PCDH15: variants seen among roughly 807,000 people sequenced by gnomAD.
PCDH15 encodes the protein protocadherin related 15, also known as protocadherin-15.
Under a neutral mutation model 178.5 loss-of-function variants are expected in PCDH15, and 129 were observed. The ratio of observed to expected loss-of-function variants is 0.72; its 90% CI spans 0.63 to 0.84. The LOEUF (loss-of-function observed/expected upper bound fraction) is 0.84. Ranked by LOEUF, PCDH15 falls within the 40% of genes least tolerant of loss-of-function variation. The pLI is 0.00. For synonymous variants in PCDH15, 800 were observed against 732.0 expected (o/e 1.09, Z -1.50); for missense variants, 2,230 against 2,099.9 (o/e 1.06, Z -1.21).
rs112271908 is a variant in PCDH15 at position 53,863,434 on chromosome 10, T to G, written c.3717+3208A>C. On this transcript the variant is annotated intron_variant, in intron 27 of 37. Coordinates refer to ENST00000644397, the MANE Select transcript of PCDH15 (RefSeq NM_001384140.1). ...CTGATGGTTCAAGTAAGATAAGGAC[T>G]GGCATCATCAGTACATTTCCTAACA... Among the ~76,000 whole-genome samples, 1,089 of 152,200 alleles carry G rather than the reference T, an allele frequency of 7.2e-3. 9 individuals carry two copies. Among genetic ancestry groups the G allele is most frequent in the African/African-American group, 0.025 (1,029 of 41,556 alleles).
intron 9 of PCDH15, among the ~76,000 whole-genome samples, chr10:54,234,834 C>T (rs2054462523): frequency 6.6e-6 from 1 of 152,156 alleles, no homozygotes. Context: ...TGAAACTTTC[C>T]ATCACTGTGT....
chr10:54,533,212 T>C (rs1373225293), intron 2 of PCDH15, among the ~76,000 whole-genome samples: 1 of 152,212 alleles, frequency 6.6e-6, no homozygotes, highest in Non-Finnish European at 1.5e-5. Context: ...TTGTTTAGCC[T>C]AAAATAAAAT....
At chr10:54,414,389 G>A (rs1251664112) in intron 3 of PCDH15, among the ~76,000 whole-genome samples, 1 of 152,026 alleles carries the variant, frequency 6.6e-6, no homozygotes, top group Non-Finnish European at 1.5e-5. Context: ...GAATAAATGT[G>A]AATAATCACC....
At chr10:55,276,717 A>C (rs1842606793) in intron 1 of PCDH15, among the ~76,000 whole-genome samples, 1 of 151,756 alleles carries the variant, frequency 6.6e-6, no homozygotes, top group Non-Finnish European at 1.5e-5. Context: ...GAGTTGAGGA[A>C]AATTTATTAT....
intron 2 of PCDH15, among the ~76,000 whole-genome samples, chr10:54,616,502 T>A (rs2093160975): frequency 6.6e-6 from 1 of 152,116 alleles, no homozygotes; most frequent in African/African-American, 2.4e-5. Context: ...ACTCCCCAAC[T>A]GTAATCACAG....
At chr10:55,323,798 G>C (rs1565008940), upstream of PCDH15, among the ~76,000 whole-genome samples, 1 of 152,248 alleles carries the variant, frequency 6.6e-6, no homozygotes, top group South Asian at 2.1e-4. Context: ...AATCAGTTAA[G>C]ACTTTGCAGG....
At chr10:55,226,474 T>G (rs1020372491) in intron 1 of PCDH15, among the ~76,000 whole-genome samples, 9 of 151,898 alleles carry the variant, frequency 5.9e-5, no homozygotes, top group Admixed American at 5.9e-4. Flanking sequence ...CTCTGTCTCC[T>G]GGGTTCAAGC....
At position 54,548,342 on chromosome 10, in the gene PCDH15, T is replaced by C. The variant is rs1267139157; in HGVS notation, c.92-20465A>G. ...GTTTTAGATTTTTGTCTTTCATATA[T>C]GTCATCCATATATGTGAAATTATCT... On this transcript the variant is annotated intron_variant, in intron 2 of 37. Transcript: ENST00000644397. Among the ~76,000 whole-genome samples, 3 of 148,440 alleles carry C rather than the reference T, an allele frequency of 2.0e-5. No homozygotes were observed. The Admixed American group carries it at 2.0e-4, about 10-fold the overall frequency.
At chr10:55,006,121 C>A (rs1839922063) in intron 2 of PCDH15, among the ~76,000 whole-genome samples, 1 of 151,770 alleles carries the variant, frequency 6.6e-6, no homozygotes, top group Non-Finnish European at 1.5e-5. Flanking sequence ...AAAATTTATC[C>A]TTTTAGCAAT....
chr10:54,099,661 C>T (rs538066732), intron 15 of PCDH15, among the ~76,000 whole-genome samples: 2 of 151,688 alleles, frequency 1.3e-5, no homozygotes, highest in South Asian at 2.1e-4. Context: ...ATTAATCACA[C>T]AATATTCTGA....
intron 8 of PCDH15, among the ~76,000 whole-genome samples, chr10:54,239,759 T>C (rs1282286875): frequency 1.3e-5 from 2 of 152,094 alleles, no homozygotes; most frequent in Non-Finnish European, 2.9e-5. Context: ...TGACATTTTA[T>C]CTTGTCCTAT....
intron 2 of PCDH15, among the ~76,000 whole-genome samples, chr10:54,630,559 C>T (rs2093674652): frequency 6.6e-6 from 1 of 152,068 alleles, no homozygotes; most frequent in African/African-American, 2.4e-5. Context: ...AGAAGAAAAC[C>T]TAGGACATGG....
intron 2 of PCDH15, among the ~76,000 whole-genome samples, chr10:55,588,106 T>A (rs2132128057): frequency 6.6e-6 from 1 of 152,250 alleles, no homozygotes; most frequent in Non-Finnish European, 1.5e-5. Flanking sequence ...CGCTTAAAAC[T>A]TTGATGTAGG....
intron 23 of PCDH15, among the ~76,000 whole-genome samples, chr10:53,942,699 G>GT (rs1486231189): frequency 2.0e-5 from 3 of 152,180 alleles, no homozygotes; most frequent in African/African-American, 7.2e-5. Flanking sequence ...ACAACCACAT[G>GT]TACTTGGAAG....
intron 2 of PCDH15, among the ~76,000 whole-genome samples, chr10:55,610,181 A>G (rs1176583856): frequency 6.6e-6 from 1 of 152,138 alleles, no homozygotes; most frequent in East Asian, 1.9e-4. Context: ...AGGCCAGTCA[A>G]TATCAGGAAC....
intron 1 of PCDH15, among the ~76,000 whole-genome samples, chr10:55,176,155 G>A (rs1165355473): frequency 6.6e-6 from 1 of 151,970 alleles, no homozygotes; most frequent in Non-Finnish European, 1.5e-5. Context: ...ATATAGGAGT[G>A]GCCATTTCTG....
chr10:55,456,517 A>C (rs2132087238), intron 2 of PCDH15, among the ~76,000 whole-genome samples: 1 of 152,190 alleles, frequency 6.6e-6, no homozygotes, highest in African/African-American at 2.4e-5. Flanking sequence ...TTGTGGTATA[A>C]AATGTCATTT....
At chr10:55,259,770 T>G (rs1333683937) in intron 1 of PCDH15, among the ~76,000 whole-genome samples, 1 of 150,780 alleles carries the variant, frequency 6.6e-6, no homozygotes, top group Non-Finnish European at 1.5e-5. Flanking sequence ...GGCGTGGCGG[T>G]GCATGCCTGT....
intron 3 of PCDH15, among the ~76,000 whole-genome samples, chr10:54,490,792 AT>A (rs2079524598): frequency 6.6e-6 from 1 of 152,156 alleles, no homozygotes; most frequent in Non-Finnish European, 1.5e-5. Flanking sequence ...TCAATTTACT[AT>A]TTTTTACCTG....
Sources: allele counts gnomAD v4.1 joint callset (sites outside exome capture counted in the v4.1 genomes callset), GRCh38; gene constraint gnomAD v4.1.1; transcripts MANE v1.5; gene names NCBI Gene and HGNC (gene_info 2026-07-23, HGNC 2026-07-21).